PTPRD: variants seen among roughly 807,000 people sequenced by gnomAD.
PTPRD encodes protein tyrosine phosphatase receptor type D, also known as receptor-type tyrosine-protein phosphatase delta.
A neutral mutation model predicts 214.5 loss-of-function variants in PTPRD; 34 were observed. That is an observed-to-expected ratio of 0.16 (90% confidence interval 0.12 to 0.21). PTPRD has a LOEUF of 0.21. Among genes scored for constraint, PTPRD ranks in the 10% least tolerant of loss-of-function variants. The pLI is 1.00. For synonymous variants in PTPRD, 1,128 were observed against 845.7 expected (o/e 1.33, Z -5.79); for missense variants, 2,545 against 2,398.7 (o/e 1.06, Z -1.27).
chr9:8,330,007 G>A (rs904787478), intron 44 of PTPRD, among the ~76,000 whole-genome samples: 2 of 151,938 alleles, frequency 1.3e-5, no homozygotes, highest in African/African-American at 4.8e-5. Context: ...CACCAAGCCA[G>A]GCACTGGAGG....
chr9:8,706,873 A>T (rs547974735), intron 12 of PTPRD, among the ~76,000 whole-genome samples: 1 of 152,198 alleles, frequency 6.6e-6, no homozygotes, highest in Non-Finnish European at 1.5e-5. Context: ...AGCAATGTCC[A>T]CAGGTTAGCA....
chr9:9,973,986 T>C (rs2095256283), intron 4 of PTPRD, among the ~76,000 whole-genome samples: 1 of 152,188 alleles, frequency 6.6e-6, no homozygotes, highest in Non-Finnish European at 1.5e-5. Context: ...TTCTGATGGT[T>C]CTGTAAATAG....
At chr9:9,115,555 T>G (rs935504042) in intron 10 of PTPRD, among the ~76,000 whole-genome samples, 1 of 152,138 alleles carries the variant, frequency 6.6e-6, no homozygotes, top group South Asian at 2.1e-4. Flanking sequence ...ACAGCCTCTA[T>G]GGAAAACAAT....
chr9:9,385,402 G>A (rs927296834), intron 9 of PTPRD, among the ~76,000 whole-genome samples: 2 of 152,130 alleles, frequency 1.3e-5, no homozygotes, highest in African/African-American at 2.4e-5. Context: ...AGAGGAAAGC[G>A]AAGTACTAGA....
At chr9:9,667,887 C>G (rs1359658053) in intron 7 of PTPRD, among the ~76,000 whole-genome samples, 2 of 152,084 alleles carry the variant, frequency 1.3e-5, no homozygotes, top group Admixed American at 1.3e-4. Context: ...GGGTGGAGAG[C>G]TCCCACTTTG....
At chr9:8,321,501 AT>A (rs1827881633) in intron 44 of PTPRD, among the ~76,000 whole-genome samples, 1 of 86,406 alleles carries the variant, frequency 1.2e-5, no homozygotes, top group East Asian at 2.5e-4. Flanking sequence ...ATATATATAT[AT>A]ATATATATAT....
At chr9:8,831,620 C>A (rs757801030) in intron 11 of PTPRD, among the ~76,000 whole-genome samples, 8 of 152,030 alleles carry the variant, frequency 5.3e-5, no homozygotes, top group Non-Finnish European at 1.0e-4. Context: ...TATAATAAAC[C>A]CTTTAAAATG....
intron 14 of PTPRD, among the ~76,000 whole-genome samples, chr9:8,592,957 T>C (rs2094222608): frequency 6.6e-6 from 1 of 152,156 alleles, no homozygotes; most frequent in Non-Finnish European, 1.5e-5. Context: ...TGAAAGCAAT[T>C]TCCAACAGAC....
At chr9:10,054,111 T>C (rs781685883) in intron 3 of PTPRD, among the ~76,000 whole-genome samples, 2 of 152,056 alleles carry the variant, frequency 1.3e-5, no homozygotes, top group Admixed American at 6.6e-5. Context: ...TTTCCAAATA[T>C]AAAAACTTGT....
At chr9:8,411,764 A>G (rs1421041127) in intron 35 of PTPRD, among the ~76,000 whole-genome samples, 1 of 152,220 alleles carries the variant, frequency 6.6e-6, no homozygotes, top group Non-Finnish European at 1.5e-5. Context: ...CCTACATCAG[A>G]TAAGGTGAAT....
intron 8 of PTPRD, among the ~76,000 whole-genome samples, chr9:9,516,160 T>C (rs1193706942): frequency 1.3e-5 from 2 of 152,162 alleles, no homozygotes; most frequent in Non-Finnish European, 2.9e-5. Context: ...TACCACTGGA[T>C]CTTATTTTGT....
chr9:9,210,691 T>C (rs2099947965), intron 9 of PTPRD, among the ~76,000 whole-genome samples: 1 of 152,102 alleles, frequency 6.6e-6, no homozygotes, highest in South Asian at 2.1e-4. Context: ...GCCACATACA[T>C]GTGCCACATG....
intron 2 of PTPRD, among the ~76,000 whole-genome samples, chr9:10,397,064 C>T (rs981299192): frequency 6.6e-6 from 1 of 151,994 alleles, no homozygotes; most frequent in Non-Finnish European, 1.5e-5. Flanking sequence ...GCTCCCAACA[C>T]CACCACTGGG....
intron 9 of PTPRD, among the ~76,000 whole-genome samples, chr9:9,281,296 A>G (rs1947607891): frequency 6.6e-6 from 1 of 151,268 alleles, no homozygotes; most frequent in Admixed American, 6.6e-5. Context: ...TGCAAAACCC[A>G]AAAGAATGAG....
At chr9:9,080,851 T>C (rs1029711323) in intron 10 of PTPRD, among the ~76,000 whole-genome samples, 2 of 152,292 alleles carry the variant, frequency 1.3e-5, no homozygotes, top group Admixed American at 1.3e-4. Context: ...ATATCCCCTT[T>C]ATCATTTTTT....
chr9:10,346,821 C>G (rs746884291), intron 2 of PTPRD, among the ~76,000 whole-genome samples: 10 of 152,146 alleles, frequency 6.6e-5, no homozygotes, highest in Non-Finnish European at 1.3e-4. Context: ...AATGTAATTT[C>G]ACAGAACATG....
At chr9:10,332,008 A>G (rs2096759652) in intron 3 of PTPRD, among the ~76,000 whole-genome samples, 1 of 151,880 alleles carries the variant, frequency 6.6e-6, no homozygotes, top group South Asian at 2.1e-4. Context: ...ACACACTAGC[A>G]GCAATAAGAC....
chr9:9,124,215 A>AT (rs981851655), intron 10 of PTPRD, among the ~76,000 whole-genome samples: 6 of 152,262 alleles, frequency 3.9e-5, no homozygotes, highest in Non-Finnish European at 7.4e-5. Context: ...AACAGTAGAC[A>AT]TTTTCCTGGG....
intron 10 of PTPRD, among the ~76,000 whole-genome samples, chr9:9,073,392 AT>A (rs2099746615): frequency 6.6e-6 from 1 of 152,160 alleles, no homozygotes; most frequent in East Asian, 1.9e-4. Context: ...GTTATGAATA[AT>A]TTTATGTGTC....
Sources: gnomAD v4.1 joint callset for allele counts (sites outside exome capture counted in the v4.1 genomes callset) on GRCh38, gnomAD v4.1.1 for gene constraint, MANE v1.5 for transcripts, NCBI Gene and HGNC (gene_info 2026-07-23, HGNC 2026-07-21) for gene names.